Variants in NOS1 observed in about 807,000 individuals in gnomAD.
NOS1 encodes the protein NOS type I.
NOS1 carries 51 observed loss-of-function variants against 164.5 expected under a neutral mutation model. The ratio of observed to expected loss-of-function variants is 0.31; its 90% CI spans 0.25 to 0.39. NOS1 has a LOEUF of 0.39. Ranked by LOEUF, NOS1 falls within the 10% of genes least tolerant of loss-of-function variation. NOS1 has a pLI of 1.00. For missense variants in NOS1, 1,362 were observed against 1,885.6 expected (o/e 0.72, Z 5.14); for synonymous variants, 719 against 745.8 (o/e 0.96, Z 0.59).
At position 117,227,439 on chromosome 12, in the gene NOS1, C is replaced by T. The variant is rs571737466; in HGVS notation, c.3608G>A (p.Arg1203His). ...CCAGTGCCTCCGCCCACCTCGAGTG[C>T]GGTAGGAAACGATGGCCACAGTGAG... is the stretch of plus-strand genomic sequence containing the variant. ...VHLTVAIVSY[R>H]TRDGEGPIHH... The change falls in exon 23 of 29, where the codon CGC becomes CAC. Residue 1203 changes from arginine to histidine, a missense_variant. By Grantham distance (29) the Arg-to-His change is conservative. Coordinates refer to ENST00000317775, the MANE Select transcript of NOS1 (RefSeq NM_000620.5). The T allele has an allele frequency of 5.3e-5, 86 of 1,613,708 alleles. No homozygotes were observed. In the Admixed American group the frequency reaches 5.7e-4, roughly 11 times the overall value.
intron 1 of NOS1, among the ~76,000 whole-genome samples, chr12:117,357,637 TC>T (rs1876915173): frequency 6.6e-5 from 10 of 152,014 alleles, no homozygotes; most frequent in African/African-American, 2.4e-4. Context: ...AGTATTAGAA[TC>T]TCCTGGAGCA....
At chr12:117,293,191 G>A (rs1005950112) in intron 3 of NOS1, among the ~76,000 whole-genome samples, 3 of 152,130 alleles carry the variant, frequency 2.0e-5, no homozygotes, top group African/African-American at 7.2e-5. Flanking sequence ...GGGGAAGAGC[G>A]TGCCACTGTT....
At chr12:117,291,529 C>CTTTTTGTTTTTTTTTTT (rs1873058566) in intron 3 of NOS1, among the ~76,000 whole-genome samples, 1 of 97,376 alleles carries the variant, frequency 1.0e-5, no homozygotes. Context: ...TTACATCTGT[C>CTTTTTGTTTTTTTTTTT]TTTTTTTTTT....
intron 1 of NOS1, among the ~76,000 whole-genome samples, chr12:117,337,061 A>G (rs11068452): frequency 0.33 from 47,953 of 146,346 alleles, 7,888 homozygotes; most frequent in South Asian, 0.4. Context: ...CTCCCAAAGT[A>G]TAGGGATTAC....
intron 8 of NOS1, among the ~76,000 whole-genome samples, chr12:117,279,814 G>A (rs767279008): frequency 1.3e-5 from 2 of 152,146 alleles, no homozygotes; most frequent in Non-Finnish European, 2.9e-5. Flanking sequence ...GCAGCTCCTG[G>A]TTGCCCTGGT....
At chr12:117,335,572 G>A (rs1388742034) in intron 1 of NOS1, among the ~76,000 whole-genome samples, 1 of 152,100 alleles carries the variant, frequency 6.6e-6, no homozygotes, top group Admixed American at 6.5e-5. Context: ...TCCTCTCTGT[G>A]CGACCTTGGC....
rs750761591 is a variant in NOS1, at chr12:117,213,626, C to T, written c.*1683G>A. The T allele has an allele frequency of 3.7e-5, 36 of 985,458 alleles. No individual in the cohort carries two copies. Among genetic ancestry groups the T allele is most frequent in the Admixed American group, 6.1e-5 (1 of 16,284 alleles). The allele number at this position is 985,458 out of a possible 1,614,324, so 61.0% of individuals were successfully genotyped here. On this transcript the variant is annotated 3_prime_UTR_variant, in exon 29 of 29. Transcript: ENST00000317775. ...AGCCCTTTCAAAGAGGGCCAGTGCA[C>T]TTCCTCTTTAGCAGACACCCAAACT...
intron 14 of NOS1, among the ~76,000 whole-genome samples, 179 bp from the exon 15 acceptor site, chr12:117,259,309 C>T (rs963303298): frequency 6.6e-6 from 1 of 152,184 alleles, no homozygotes; most frequent in Non-Finnish European, 1.5e-5. Flanking sequence ...GTTAGTACTT[C>T]AGTGGGCTCA....
chr12:117,342,154 CATCTT>C (rs1425784073), intron 1 of NOS1, among the ~76,000 whole-genome samples: 4 of 151,964 alleles, frequency 2.6e-5, no homozygotes, highest in Non-Finnish European at 4.4e-5. Context: ...TGCCTCCTCT[CATCTT>C]TTCTTTTCTT....
chr12:117,312,989 C>G (rs1419496561), intron 2 of NOS1, among the ~76,000 whole-genome samples: 2 of 152,088 alleles, frequency 1.3e-5, no homozygotes, highest in Non-Finnish European at 2.9e-5. Context: ...TCTAACTTTC[C>G]TCATCAGCCT....
intron 2 of NOS1, among the ~76,000 whole-genome samples, chr12:117,318,051 A>G (rs1874747628): frequency 6.6e-6 from 1 of 152,160 alleles, no homozygotes; most frequent in Non-Finnish European, 1.5e-5. Context: ...ACCTGCCTAT[A>G]GTCCCAACTA....
At position 117,359,874 on chromosome 12, in the gene NOS1, TTTTATATATATATATATA is replaced by T. The variant is rs1250732766; in HGVS notation, c.-421+1620_-421+1637del. On this transcript the variant is annotated intron_variant, in intron 1 of 28. Coordinates refer to ENST00000317775, the MANE Select transcript of NOS1 (RefSeq NM_000620.5). ...CGGTCCCAGAGCATTACAATAATGG[TTTTATATATATATATATA>T]TATATATATATATATATATATATAT... Among the ~76,000 whole-genome samples the T allele has an allele frequency of 3.4e-3, 152 of 44,200 alleles. 4 individuals are homozygous for T. The highest frequency in any genetic ancestry group is 7.3e-3 in the Admixed American group (26 of 3,570). The allele number at this position is 44,200 out of a possible 152,430, so 29.0% of individuals were successfully genotyped here. A position where few individuals can be genotyped will look rare whatever the true frequency, so the allele number is the denominator to read the frequency against.
At position 117,330,199 on chromosome 12, in the gene NOS1, C is replaced by T. The variant is rs948229831; in HGVS notation, c.725+146G>A. On this transcript the variant is annotated intron_variant, in intron 2 of 28. Coordinates refer to ENST00000317775, the MANE Select transcript of NOS1 (RefSeq NM_000620.5). This position sits in a 1 kb window ranked among gnomAD's most constrained non-coding sequence, Gnocchi z 4.6. ...AATTTTAAGTGAAGATCAAGGGGGC[C>T]GTCAAGTGGTTATGCAAAAACAGGT... 1.2e-5 allele frequency: 16 copies of T among 1,286,468 alleles called. No homozygotes were observed. Among genetic ancestry groups the T allele is most frequent in the Middle Eastern group, 2.8e-4 (1 of 3,588 alleles). 79.7% of individuals were successfully genotyped at this position (1,286,468 alleles called of 1,614,324 possible). A position where few individuals can be genotyped will look rare whatever the true frequency, so the allele number is the denominator to read the frequency against.
At chr12:117,240,812 T>C (rs186426318) in intron 20 of NOS1, among the ~76,000 whole-genome samples, 30 of 152,338 alleles carry the variant, frequency 2.0e-4, no homozygotes, top group Non-Finnish European at 3.2e-4. Flanking sequence ...ACAGCTAGTG[T>C]GTGGCAGAGC....
At chr12:117,221,817 AAT>A (rs1491215909) in intron 26 of NOS1, among the ~76,000 whole-genome samples, 2 of 116,458 alleles carry the variant, frequency 1.7e-5, no homozygotes, top group Admixed American at 9.9e-5. Context: ...AGCTAACTTA[AAT>A]TTTTTTTTTT....
chr12:117,256,073 T>G, intron 16 of NOS1: 2 of 1,187,248 alleles, frequency 1.7e-6, no homozygotes, highest in South Asian at 2.5e-5. Context: ...TATCTCTCCC[T>G]GAAGGAGGGG....
chr12:117,265,281 A>C, intron 12 of NOS1, 35 bp downstream of exon 12: 1 of 1,498,026 alleles, frequency 6.7e-7, no homozygotes, highest in Admixed American at 2.1e-5. Flanking sequence ...GATACAGGAC[A>C]CTTAATATGA....
chr12:117,326,596 C>T (rs1194937554), intron 2 of NOS1, among the ~76,000 whole-genome samples: 4 of 152,104 alleles, frequency 2.6e-5, no homozygotes, highest in African/African-American at 9.7e-5. Context: ...GTTTTTTGGC[C>T]GCTTTCGGGC....
chr12:117,238,366 C>T (rs1350090471), intron 20 of NOS1, among the ~76,000 whole-genome samples: 1 of 152,146 alleles, frequency 6.6e-6, no homozygotes, highest in African/African-American at 2.4e-5. Flanking sequence ...AAATGGGACG[C>T]CTGGTCCAAC....
Sources: gnomAD v4.1 joint callset for allele counts (sites outside exome capture counted in the v4.1 genomes callset) on GRCh38, gnomAD v4.1.1 for gene constraint, Gnocchi (gnomAD v3.1) non-coding constraint, MANE v1.5 for transcripts, NCBI Gene and HGNC (gene_info 2026-07-23, HGNC 2026-07-21) for gene names.